The following SYNDIG1 variants were observed in gnomAD, a reference collection of about 807,000 sequenced individuals.
SYNDIG1 encodes synapse differentiation-inducing gene protein 1.
SYNDIG1 carries 9 observed loss-of-function variants against 19.4 expected under a neutral mutation model. The observed-to-expected ratio is 0.46, with a 90% CI of 0.28 to 0.81. The LOEUF (loss-of-function observed/expected upper bound fraction) is 0.81. Ranked by LOEUF, SYNDIG1 falls within the 30% of genes least tolerant of loss-of-function variation. The probability of loss-of-function intolerance (pLI) is 0.12; values close to 1 mark genes in which losing one functional copy is unlikely to be tolerated. For synonymous variants in SYNDIG1, 141 were observed against 145.9 expected (o/e 0.97, Z 0.24); for missense variants, 311 against 343.3 (o/e 0.91, Z 0.74).
At chr20:24,489,144 A>G (rs570861935) in intron 1 of SYNDIG1, among the ~76,000 whole-genome samples, 2 of 152,300 alleles carry the variant, frequency 1.3e-5, no homozygotes, top group South Asian at 4.1e-4. Context: ...GTACGCATGC[A>G]CACACCCACA....
intron 1 of SYNDIG1, among the ~76,000 whole-genome samples, chr20:24,471,639 A>G (rs1454662404): frequency 6.6e-6 from 1 of 151,734 alleles, no homozygotes. Flanking sequence ...AGATGGAGAA[A>G]CCTATTTTTA....
intron 3 of SYNDIG1, among the ~76,000 whole-genome samples, chr20:24,626,748 G>A (rs8118887): frequency 1.1e-3 from 164 of 152,276 alleles, no homozygotes; most frequent in African/African-American, 3.9e-3. Flanking sequence ...AGGTTGTAGC[G>A]AGCCGAGATC....
intron 1 of SYNDIG1, among the ~76,000 whole-genome samples, chr20:24,525,286 C>CTTTTTTTTT (rs11471122): frequency 1.1e-4 from 12 of 106,552 alleles, no homozygotes; most frequent in South Asian, 3.1e-4. Flanking sequence ...TCTTCTTCTT[C>CTTTTTTTTT]TTTTTTTTTT....
At chr20:24,637,682 G>A (rs2059329255) in intron 3 of SYNDIG1, among the ~76,000 whole-genome samples, 1 of 152,222 alleles carries the variant, frequency 6.6e-6, no homozygotes, top group Non-Finnish European at 1.5e-5. Context: ...AACAGGCAAA[G>A]AGCAGAGCAG....
At chr20:24,473,661 G>A (rs909250910) in intron 1 of SYNDIG1, among the ~76,000 whole-genome samples, 11 of 152,120 alleles carry the variant, frequency 7.2e-5, no homozygotes, top group African/African-American at 2.7e-4. Flanking sequence ...CTGTCTCCAG[G>A]CTACTCCCTC....
chr20:24,531,441 T>C (rs910810229), intron 1 of SYNDIG1, among the ~76,000 whole-genome samples: 4 of 152,146 alleles, frequency 2.6e-5, no homozygotes, highest in Non-Finnish European at 4.4e-5. Flanking sequence ...TCTAGACTTA[T>C]TCGTAGGTTC....
chr20:24,601,869 A>T (rs2058684661), intron 3 of SYNDIG1, among the ~76,000 whole-genome samples: 1 of 151,894 alleles, frequency 6.6e-6, no homozygotes, highest in Admixed American at 6.6e-5. Context: ...GTTTTATGTT[A>T]TTGGAAATGC....
intron 3 of SYNDIG1, among the ~76,000 whole-genome samples, chr20:24,601,792 C>T (rs1004335682): frequency 6.6e-6 from 1 of 152,048 alleles, no homozygotes; most frequent in African/African-American, 2.4e-5. Flanking sequence ...TGAATGATAC[C>T]CTTCTGCCTA....
At chr20:24,619,625 C>T (rs2059006818) in intron 3 of SYNDIG1, among the ~76,000 whole-genome samples, 2 of 152,210 alleles carry the variant, frequency 1.3e-5, no homozygotes, top group Admixed American at 6.5e-5. Context: ...CCTTGCTATA[C>T]ATTGTATTTA....
At chr20:24,501,363 G>A (rs2056450280) in intron 1 of SYNDIG1, among the ~76,000 whole-genome samples, 1 of 152,222 alleles carries the variant, frequency 6.6e-6, no homozygotes, top group East Asian at 1.9e-4. Context: ...AGCGAAGATA[G>A]CACGTGTGAG....
At chr20:24,625,974 C>T (rs139855462) in intron 3 of SYNDIG1, among the ~76,000 whole-genome samples, 29,221 of 150,048 alleles carry the variant, frequency 0.19, 3,649 homozygotes, top group Admixed American at 0.34. Flanking sequence ...CCGGATGGGG[C>T]GGCTGGCCAG....
At chr20:24,543,673 G>T (rs2057515782) in intron 2 of SYNDIG1, 96 bp downstream of exon 2, 6 of 1,505,890 alleles carry the variant, frequency 4.0e-6, no homozygotes, top group South Asian at 1.3e-5. Context: ...GTTAGGGAAT[G>T]AAACTAGTGT....
chr20:24,613,576 C>A (rs1190461963), intron 3 of SYNDIG1, among the ~76,000 whole-genome samples: 2 of 152,100 alleles, frequency 1.3e-5, no homozygotes, highest in Admixed American at 1.3e-4. Flanking sequence ...GCCACCCGCA[C>A]CCCCTGCCTT....
chr20:24,552,790 A>G (rs903151418), intron 2 of SYNDIG1, among the ~76,000 whole-genome samples: 2 of 152,208 alleles, frequency 1.3e-5, no homozygotes, highest in Non-Finnish European at 2.9e-5. Context: ...GTGTCTTTAT[A>G]GCAGCATGAC....
Position 24,530,639 on chromosome 20 carries a change from T to G in SYNDIG1, c.-78-12381T>G, listed in dbSNP as rs973915522. Among the ~76,000 whole-genome samples the G allele has an allele frequency of 5.9e-5, 9 of 152,248 alleles. No homozygotes were observed. The South Asian group carries it at 1.7e-3, about 28-fold the overall frequency. Reference sequence around the variant, plus strand: ...TTTACACAAAAGGCTTCTAACAGTGTTAGGGTTTGGGAAAGACCCAGCACC... The same window carrying G: ...TTTACACAAAAGGCTTCTAACAGTGGTAGGGTTTGGGAAAGACCCAGCACC... On this transcript the variant is annotated intron_variant, in intron 1 of 3. Coordinates refer to ENST00000376862, the MANE Select transcript of SYNDIG1 (RefSeq NM_024893.3).
At chr20:24,531,481 T>C (rs575048523) in intron 1 of SYNDIG1, among the ~76,000 whole-genome samples, 1 of 152,338 alleles carries the variant, frequency 6.6e-6, no homozygotes, top group South Asian at 2.1e-4. Context: ...TAAGAGAAAG[T>C]TCTGATTCTC....
rs568828495 is a variant in SYNDIG1 at position 24,480,281 on chromosome 20, A to G, written c.-79+10528A>G. On this transcript the variant is annotated intron_variant, in intron 1 of 3. Transcript: ENST00000376862. The stretch of plus-strand genomic sequence containing the variant: ...GTAAGACCTATATAATGCTATTTCA[A>G]TCAGAATGCCAATATTATATTGCCT... Among the ~76,000 whole-genome samples the G allele has an allele frequency of 5.3e-5, 8 of 152,334 alleles. No homozygotes were observed. The South Asian group carries it at 1.5e-3, about 28-fold the overall frequency.
At chr20:24,484,482 GGTCAGGTCACGTCACT>G (rs2055901042) in intron 1 of SYNDIG1, among the ~76,000 whole-genome samples, 2 of 152,156 alleles carry the variant, frequency 1.3e-5, no homozygotes, top group African/African-American at 4.8e-5. Flanking sequence ...TAGCCTCAGA[GGTCAGGTCACGTCACT>G]GTCGCCACAC....
At chr20:24,499,237 C>T (rs2056382087) in intron 1 of SYNDIG1, among the ~76,000 whole-genome samples, 1 of 152,164 alleles carries the variant, frequency 6.6e-6, no homozygotes, top group South Asian at 2.1e-4. Flanking sequence ...GTTGGCCAGG[C>T]TGGTCTCGAA....
Sources: allele counts gnomAD v4.1 joint callset (sites outside exome capture counted in the v4.1 genomes callset), GRCh38; gene constraint gnomAD v4.1.1; transcripts MANE v1.5; gene names NCBI Gene and HGNC (gene_info 2026-07-23, HGNC 2026-07-21).